Variants in MOK observed in about 807,000 individuals in gnomAD.
MOK encodes the protein MOK protein kinase.
Under a neutral mutation model 54.2 loss-of-function variants are expected in MOK, and 59 were observed. That is an observed-to-expected ratio of 1.09 (90% CI 0.88 to 1.35). The LOEUF is 1.35. Among genes scored for constraint, MOK ranks in the 40% most tolerant of loss-of-function variants. The pLI is 0.00. For synonymous variants in MOK, 210 were observed against 202.7 expected (o/e 1.04, Z -0.31); for missense variants, 517 against 526.2 (o/e 0.98, Z 0.17).
rs1194798104 is a variant in MOK at position 102,249,209 on chromosome 14, C to T, written c.590+1603G>A. Among the ~76,000 whole-genome samples, 1 of 152,156 alleles carries T rather than the reference C, an allele frequency of 6.6e-6. No homozygotes were observed. Among genetic ancestry groups the T allele is most frequent in the Non-Finnish European group, 1.5e-5 (1 of 68,038 alleles). On this transcript the variant is annotated intron_variant, in intron 7 of 11. Coordinates refer to ENST00000361847, the MANE Select transcript of MOK (RefSeq NM_014226.3). The surrounding 1 kb of genome is among the most constrained non-coding windows in gnomAD (Gnocchi z 5.3). ...AGAGGCAAAAGACAGATCCACATTC[C>T]GTCATCTGTTCAGCATGATGTCTGT... is the stretch of plus-strand genomic sequence containing the variant.
the MOK span, among the ~76,000 whole-genome samples, chr14:102,216,414 C>G: frequency 6.6e-6 from 1 of 152,102 alleles, no homozygotes; most frequent in Non-Finnish European, 1.5e-5. Flanking sequence ...ATCTAGGCCT[C>G]TTGAGTAACT....
the MOK span, among the ~76,000 whole-genome samples, chr14:102,216,641 A>G: frequency 1.3e-5 from 2 of 152,208 alleles, no homozygotes; most frequent in African/African-American, 4.8e-5. Flanking sequence ...AAAAATAGCT[A>G]GTTCTCAGCT....
At chr14:102,292,793 TA>T (rs2070910000) in intron 1 of MOK, among the ~76,000 whole-genome samples, 1 of 152,256 alleles carries the variant, frequency 6.6e-6, no homozygotes, top group African/African-American at 2.4e-5. Context: ...AATATTATTT[TA>T]GTATTAAAAC....
intron 1 of MOK, among the ~76,000 whole-genome samples, chr14:102,299,447 A>G (rs970467961): frequency 6.6e-6 from 1 of 152,006 alleles, no homozygotes; most frequent in Non-Finnish European, 1.5e-5. Flanking sequence ...CCCTGGAGGC[A>G]GAGGTTGCAG....
chr14:102,294,194 C>T (rs768147146), intron 1 of MOK, among the ~76,000 whole-genome samples: 10 of 151,504 alleles, frequency 6.6e-5, no homozygotes, highest in Admixed American at 2.0e-4. Context: ...TGCCTGTAAT[C>T]CCAGCACTTT....
At chr14:102,293,701 C>CCA (rs1432616309) in intron 1 of MOK, among the ~76,000 whole-genome samples, 33 of 54,540 alleles carry the variant, frequency 6.1e-4, no homozygotes, top group African/African-American at 1.0e-3. Flanking sequence ...AACTCCATCA[C>CCA]AAAAAAAAAA....
At chr14:102,282,437 T>A (rs991896611) in intron 2 of MOK, among the ~76,000 whole-genome samples, 1 of 152,066 alleles carries the variant, frequency 6.6e-6, no homozygotes, top group Non-Finnish European at 1.5e-5. Context: ...GTTGCATTTA[T>A]AGAAGTCCAA....
intron 4 of MOK, 53 bp downstream of exon 4, chr14:102,263,493 A>G (rs543076034): frequency 4.3e-4 from 552 of 1,296,326 alleles, no homozygotes; most frequent in Non-Finnish European, 5.4e-4. Context: ...GCATATATGA[A>G]TTACAAGCCT....
chr14:102,214,692 C>T, the MOK span: 26 of 982,574 alleles, frequency 2.6e-5, no homozygotes, highest in South Asian at 4.7e-5. Context: ...AAGTAAAATT[C>T]ACATGTATTT....
At chr14:102,286,837 G>C (rs889531104) in intron 1 of MOK, among the ~76,000 whole-genome samples, 1 of 151,676 alleles carries the variant, frequency 6.6e-6, no homozygotes, top group Non-Finnish European at 1.5e-5. Flanking sequence ...TTCAACCAGG[G>C]AAGTGGAGGT....
At chr14:102,243,056 C>T (rs1318732229) in intron 7 of MOK, among the ~76,000 whole-genome samples, 1 of 152,168 alleles carries the variant, frequency 6.6e-6, no homozygotes, top group African/African-American at 2.4e-5. Context: ...CCTATCTTGG[C>T]ATAATTCTTC....
intron 4 of MOK, among the ~76,000 whole-genome samples, chr14:102,261,067 C>A (rs2067351222): frequency 6.6e-6 from 1 of 151,906 alleles, no homozygotes. Flanking sequence ...GCCATCCTGG[C>A]CAACATGGTG....
chr14:102,296,280 A>C (rs549299909), intron 1 of MOK, among the ~76,000 whole-genome samples: 1,601 of 147,364 alleles, frequency 0.011, 43 homozygotes, highest in African/African-American at 0.038. Flanking sequence ...GATCTATTAC[A>C]AAAAAAAAAC....
At chr14:102,286,664 C>A (rs1173196759) in intron 1 of MOK, among the ~76,000 whole-genome samples, 1 of 152,060 alleles carries the variant, frequency 6.6e-6, no homozygotes, top group Admixed American at 6.6e-5. Flanking sequence ...TTAATGATTG[C>A]ACCATTAATC....
chr14:102,302,946 G>C (rs2072403655), intron 1 of MOK, among the ~76,000 whole-genome samples: 1 of 151,526 alleles, frequency 6.6e-6, no homozygotes, highest in East Asian at 1.9e-4. Context: ...TGGATCGCTT[G>C]ACGTCAGGAG....
chr14:102,221,626 A>C (rs115630947), downstream of MOK, among the ~76,000 whole-genome samples: 707 of 152,244 alleles, frequency 4.6e-3, 6 homozygotes, highest in African/African-American at 0.016. The surrounding 1 kb of genome is among the most constrained non-coding windows in gnomAD (Gnocchi z 4.8). Context: ...TTGCTTCCTG[A>C]GCTTGTCTAG....
chr14:102,233,738 G>C lies in MOK; in HGVS notation c.642C>G (p.Ile214Met). The C allele has an allele frequency of 6.2e-7, 1 of 1,614,166 alleles. No individual in the cohort carries two copies. The highest frequency in any genetic ancestry group is 8.5e-7 in the Non-Finnish European group (1 of 1,179,990). The change falls in exon 8 of 12, where the codon ATC (isoleucine) becomes ATG (methionine). Residue 214 changes from isoleucine to methionine, a missense_variant. Ile to Met is a conservative substitution (Grantham distance 10). Coordinates refer to ENST00000361847, the MANE Select transcript of MOK (RefSeq NM_014226.3). The part of the protein sequence containing the change: ...GVNELDQISK[I>M]HDVIGTPAQK... Reference sequence around the variant, plus strand: ...GAGCGGGTGTGCCGATGACATCGTGGATTTTTGAGATTTGGTCCAGTTCAT... The same window carrying C: ...GAGCGGGTGTGCCGATGACATCGTGCATTTTTGAGATTTGGTCCAGTTCAT...
At chr14:102,218,940 G>A in the MOK span, among the ~76,000 whole-genome samples, 1 of 152,222 alleles carries the variant, frequency 6.6e-6, no homozygotes, top group South Asian at 2.1e-4. Flanking sequence ...TCCGTCGGCC[G>A]GGCCGGGCCT....
At chr14:102,281,214 C>T (rs1230111892) in intron 2 of MOK, among the ~76,000 whole-genome samples, 1 of 151,862 alleles carries the variant, frequency 6.6e-6, no homozygotes, top group Non-Finnish European at 1.5e-5. Context: ...GTCCCAGATA[C>T]TCGGGAGGCT....
Sources: allele counts gnomAD v4.1 joint callset (sites outside exome capture counted in the v4.1 genomes callset), GRCh38; gene constraint gnomAD v4.1.1; non-coding constraint Gnocchi (gnomAD v3.1); transcripts MANE v1.5; gene names NCBI Gene and HGNC (gene_info 2026-07-23, HGNC 2026-07-21).